The following PRDM11 variants were observed in gnomAD, a reference collection of about 807,000 sequenced individuals.
The protein encoded by PRDM11 is PR/SET domain 11, also known as PR domain-containing protein 11.
In PRDM11, 20 loss-of-function variants were observed where a neutral mutation model predicts 97.8. The observed-to-expected ratio is 0.20, with a 90% confidence interval of 0.14 to 0.30. PRDM11 has a LOEUF of 0.30. PRDM11 is among the 10% of genes least tolerant of loss of function. PRDM11 has a pLI of 1.00. For missense variants in PRDM11, 1,139 were observed against 1,555.2 expected (o/e 0.73, Z 4.50); for synonymous variants, 599 against 637.7 (o/e 0.94, Z 0.91).
In PRDM11 at chr11:45,229,215, A is replaced by G. The variant is rs1306930669; in HGVS notation, c.*1056A>G. 6.6e-6 allele frequency: 1 copy of G among 152,164 alleles called. No individual in the cohort carries two copies. The highest frequency in any genetic ancestry group is 1.5e-5 in the Non-Finnish European group (1 of 68,034). 9.4% of individuals were successfully genotyped at this position (152,164 alleles called of 1,614,324 possible). On this transcript the variant is annotated 3_prime_UTR_variant, in exon 8 of 8. Transcript: ENST00000683152. ...GGGTATTTTTTTTCCTTTAATAATCAAGAAATGCCTGCTATAGTTCAGTGG... is the reference window on the plus strand; with the variant it reads ...GGGTATTTTTTTTCCTTTAATAATCGAGAAATGCCTGCTATAGTTCAGTGG...
chr11:45,146,487 C>T (rs984996472), upstream of PRDM11, among the ~76,000 whole-genome samples: 24 of 152,168 alleles, frequency 1.6e-4, no homozygotes, highest in African/African-American at 5.8e-4. Context: ...GTTTGGAGAG[C>T]CGGGTTCCCC....
chr11:45,101,547 C>A (rs1196182629), intron 1 of PRDM11, among the ~76,000 whole-genome samples: 1 of 100,460 alleles, frequency 1.0e-5, no homozygotes, highest in African/African-American at 5.2e-5. Context: ...CAGAGCAACA[C>A]TCTGTCTCAA....
At position 45,096,491 on chromosome 11, in the gene PRDM11, G is replaced by A. The variant is rs146277795; in HGVS notation, c.96+590G>A. Among the ~76,000 whole-genome samples, 57 of 152,262 alleles carry A rather than the reference G, an allele frequency of 3.7e-4. 1 individual carries two copies. In the East Asian group the frequency reaches 9.3e-3, roughly 25 times the overall value. On this transcript the variant is annotated intron_variant, in intron 1 of 6. Coordinates refer to the PRDM11 transcript ENST00000530656. ...CAGATCCCAGAGATCTAAGCAGGAG[G>A]GTTGTGGGGGTGCAGGCAGGGTCCT...
chr11:45,180,706 G>A (rs1365263010), intron 1 of PRDM11, among the ~76,000 whole-genome samples: 5 of 149,780 alleles, frequency 3.3e-5, no homozygotes, highest in Admixed American at 2.0e-4. Flanking sequence ...CGGGCGGGCC[G>A]GGCCGGGCAG....
intron 1 of PRDM11, among the ~76,000 whole-genome samples, chr11:45,178,687 A>G (rs1170085743): frequency 6.6e-6 from 1 of 152,232 alleles, no homozygotes; most frequent in African/African-American, 2.4e-5. Context: ...GTGCTGGGCA[A>G]AGTGGAGAGT....
At chr11:45,154,099 A>T (rs541173781) in intron 1 of PRDM11, among the ~76,000 whole-genome samples, 1 of 152,350 alleles carries the variant, frequency 6.6e-6, no homozygotes, top group East Asian at 1.9e-4. Context: ...TCATGCCTAT[A>T]ATCCCAGCAC....
intron 1 of PRDM11, among the ~76,000 whole-genome samples, chr11:45,180,726 C>T (rs893103604): frequency 1.3e-5 from 2 of 149,932 alleles, no homozygotes; most frequent in African/African-American, 2.4e-5. Flanking sequence ...GGGAGCTCCC[C>T]GCCGGGAAGG....
chr11:45,218,650 C>A (rs1854023640), intron 5 of PRDM11, among the ~76,000 whole-genome samples: 1 of 152,218 alleles, frequency 6.6e-6, no homozygotes, highest in Non-Finnish European at 1.5e-5. Context: ...TCCTCTTGCC[C>A]TCTGATCTGT....
chr11:45,096,227 G>A (rs977547986), intron 1 of PRDM11, among the ~76,000 whole-genome samples: 28 of 152,148 alleles, frequency 1.8e-4, no homozygotes, highest in South Asian at 4.1e-4. Context: ...ACTAGGACTC[G>A]GAACAGCACC....
intron 1 of PRDM11, among the ~76,000 whole-genome samples, chr11:45,108,630 T>C (rs1279755294): frequency 6.6e-6 from 1 of 152,004 alleles, no homozygotes; most frequent in Non-Finnish European, 1.5e-5. Flanking sequence ...CACTCCCGAG[T>C]GAGGACGAGC....
At chr11:45,099,378 G>A (rs1851934416) in intron 1 of PRDM11, among the ~76,000 whole-genome samples, 1 of 151,510 alleles carries the variant, frequency 6.6e-6, no homozygotes, top group African/African-American at 2.4e-5. Flanking sequence ...TTGAACTCGG[G>A]AGGCGGAGGT....
At chr11:45,159,453 T>C (rs1317658504) in intron 1 of PRDM11, among the ~76,000 whole-genome samples, 2 of 152,332 alleles carry the variant, frequency 1.3e-5, no homozygotes, top group South Asian at 4.1e-4. Flanking sequence ...TCTCATTTCA[T>C]CTGTGCAGCA....
chr11:45,220,774 G>T (rs959023790), intron 6 of PRDM11, among the ~76,000 whole-genome samples: 1 of 152,186 alleles, frequency 6.6e-6, no homozygotes, highest in Non-Finnish European at 1.5e-5. Flanking sequence ...GTGGGAAGCC[G>T]GGTGGGTTCG....
chr11:45,207,422 G>A (rs1853555630), intron 5 of PRDM11, among the ~76,000 whole-genome samples: 1 of 148,528 alleles, frequency 6.7e-6, no homozygotes, highest in Non-Finnish European at 1.5e-5. Flanking sequence ...GCACTATTTT[G>A]TGCCCCTGGG....
chr11:45,210,059 G>T (rs1017266259), intron 5 of PRDM11, among the ~76,000 whole-genome samples: 5 of 152,220 alleles, frequency 3.3e-5, no homozygotes, highest in African/African-American at 1.2e-4. Context: ...AAGTGTAGCA[G>T]CGCGGGGGAG....
intron 1 of PRDM11, among the ~76,000 whole-genome samples, chr11:45,128,348 C>A (rs925777102): frequency 1.3e-5 from 2 of 152,148 alleles, no homozygotes; most frequent in Non-Finnish European, 2.9e-5. Context: ...GTGCACTGCA[C>A]CCACTGTCCT....
At chr11:45,169,281 T>A (rs1252130903) in intron 1 of PRDM11, among the ~76,000 whole-genome samples, 1 of 152,234 alleles carries the variant, frequency 6.6e-6, no homozygotes. Flanking sequence ...CAGAAATGCA[T>A]GCATCTGGTA....
chr11:45,185,252 G>A (rs1474728051), intron 4 of PRDM11, among the ~76,000 whole-genome samples: 1 of 152,228 alleles, frequency 6.6e-6, no homozygotes, highest in East Asian at 1.9e-4. Context: ...AGACCTTTTG[G>A]TTGTCACAGC....
At chr11:45,192,121 T>G (rs1852937006) in intron 4 of PRDM11, among the ~76,000 whole-genome samples, 1 of 152,052 alleles carries the variant, frequency 6.6e-6, no homozygotes, top group Non-Finnish European at 1.5e-5. Context: ...TCCTACCATG[T>G]CAGAAACTGA....
Sources: gnomAD v4.1 joint callset for allele counts (sites outside exome capture counted in the v4.1 genomes callset) on GRCh38, gnomAD v4.1.1 for gene constraint, MANE v1.5 for transcripts, NCBI Gene and HGNC (gene_info 2026-07-23, HGNC 2026-07-21) for gene names.